Variants in RBM23 observed in about 807,000 individuals in gnomAD.
RBM23 encodes RNA binding motif protein 23, also known as probable RNA-binding protein 23.
A neutral mutation model predicts 56.2 loss-of-function variants in RBM23; 53 were observed. That is an observed-to-expected ratio of 0.94 (90% CI 0.76 to 1.19). RBM23 has a LOEUF of 1.19. RBM23 is among the 50% of genes most tolerant of loss of function. RBM23 has a pLI of 0.00. For synonymous variants in RBM23, 197 were observed against 198.5 expected (o/e 0.99, Z 0.06); for missense variants, 642 against 590.3 (o/e 1.09, Z -0.91).
intron 9 of RBM23, 132 bp from the exon 10 acceptor site, chr14:22,904,458 AGAGT>A: frequency 1.3e-6 from 1 of 754,324 alleles, no homozygotes; most frequent in Non-Finnish European, 2.2e-6. Context: ...CCTGGGTGAC[AGAGT>A]GAGACCTTGT....
intron 3 of RBM23, 79 bp downstream of exon 3, chr14:22,909,404 C>T (rs1258093227): frequency 6.2e-6 from 7 of 1,137,256 alleles, no homozygotes; most frequent in Non-Finnish European, 9.3e-6. Context: ...AACAATCTCC[C>T]TATTCTGGTT....
rs1053023516 is a variant in RBM23, at chr14:22,901,473, T to C, written c.*257A>G. On this transcript the variant is annotated 3_prime_UTR_variant, in exon 14 of 14. Transcript: ENST00000359890. ...AAGGTAATCTCAGAGACGATACACATGGAGAAACAGGTATTCAATGCAGGT... is the reference window on the plus strand; with the variant it reads ...AAGGTAATCTCAGAGACGATACACACGGAGAAACAGGTATTCAATGCAGGT... 1.0e-5 allele frequency: 6 copies of C among 591,544 alleles called. No individual in the cohort carries two copies. The highest frequency in any genetic ancestry group is 9.3e-5 in the African/African-American group (5 of 53,662). The allele number at this position is 591,544 out of a possible 1,614,324, so 36.6% of individuals were successfully genotyped here.
intron 2 of RBM23, 79 bp downstream of exon 2, chr14:22,911,249 A>G: frequency 8.9e-7 from 1 of 1,119,894 alleles, no homozygotes; most frequent in Non-Finnish European, 1.3e-6. Context: ...GATTCATAAA[A>G]TGTTGAAAGT....
chr14:22,902,760 T>TAC, intron 10 of RBM23: 1 of 718,462 alleles, frequency 1.4e-6, no homozygotes, highest in Non-Finnish European at 1.6e-6. Flanking sequence ...TTTAGTCTTT[T>TAC]TTTTTTTTTT....
chr14:22,904,031 G>A (rs2041083191), intron 10 of RBM23: 1 of 1,459,624 alleles, frequency 6.9e-7, no homozygotes. Context: ...GAAGCTGGGT[G>A]AACTCCTGAA....
At chr14:22,912,106 GAATA>G (rs1257477603) in intron 1 of RBM23, among the ~76,000 whole-genome samples, 1 of 152,046 alleles carries the variant, frequency 6.6e-6, no homozygotes. Flanking sequence ...TCAAAATTCT[GAATA>G]AATACCTGGT....
In RBM23 at chr14:22,906,323, G is replaced by A. The variant is rs2095772631; in HGVS notation, c.273C>T (p.Ser91=). ...GACGACACTGCCGACCTGGACTTCGGCTCCGACTATTTCTCCGTCTATACC... is the reference window on the plus strand; with the variant it reads ...GACGACACTGCCGACCTGGACTTCGACTCCGACTATTTCTCCGTCTATACC... ...RDRYRRRNSR[S]RSPGRQCRHR... The change falls in exon 5 of 14, where the codon AGC becomes AGT. Residue 91 remains serine, a synonymous_variant. Transcript: ENST00000359890. The A allele has an allele frequency of 6.2e-7, 1 of 1,614,046 alleles. No homozygotes were observed. The highest frequency in any genetic ancestry group is 1.3e-5 in the African/African-American group (1 of 74,922).
At chr14:22,905,905 A>T in intron 5 of RBM23, 1 of 591,516 alleles carries the variant, frequency 1.7e-6, no homozygotes, top group Non-Finnish European at 3.0e-6. Context: ...ACACATGACC[A>T]TATCTAGCTC....
rs564155350 is a variant in RBM23 at position 22,917,962 on chromosome 14, G to GGTA, written c.-11+1034_-11+1036dup. Among the ~76,000 whole-genome samples, 255 of 152,308 alleles carry GGTA rather than the reference G, an allele frequency of 1.7e-3. 2 individuals carry two copies. Among genetic ancestry groups the GGTA allele is most frequent in the Admixed American group, 0.014 (210 of 15,300 alleles). On this transcript the variant is annotated intron_variant, in intron 1 of 13. Transcript: ENST00000359890. Reference sequence around the variant, plus strand: ...GAAAAGCTGGAGCCCCAGGGGTGATGGTAGCGCCATCCCCAGGGTCTGATC... The same window carrying GGTA: ...GAAAAGCTGGAGCCCCAGGGGTGATGGTAGTAGCGCCATCCCCAGGGTCTGATC...
intron 9 of RBM23, 68 bp downstream of exon 9, chr14:22,904,807 T>C: frequency 1.3e-6 from 2 of 1,598,450 alleles, no homozygotes; most frequent in Non-Finnish European, 1.7e-6. Context: ...AACAGAGAAG[T>C]ACACTCAAAC....
intron 1 of RBM23, among the ~76,000 whole-genome samples, chr14:22,918,212 T>C (rs544374483): frequency 4.5e-4 from 68 of 152,102 alleles, no homozygotes; most frequent in South Asian, 3.3e-3. Flanking sequence ...CTGGCTAACA[T>C]GGCAAAACCC....
At chr14:22,907,764 C>T (rs1475580680) in intron 4 of RBM23, among the ~76,000 whole-genome samples, 2 of 152,296 alleles carry the variant, frequency 1.3e-5, no homozygotes, top group East Asian at 3.9e-4. Context: ...AGCACTGTTA[C>T]AGCAGAGTAC....
intron 4 of RBM23, among the ~76,000 whole-genome samples, chr14:22,907,146 C>A (rs1398151583): frequency 6.6e-6 from 1 of 151,570 alleles, no homozygotes; most frequent in East Asian, 1.9e-4. Context: ...TGCACTCCAT[C>A]CTGGGCAACA....
chr14:22,905,684 G>T, intron 5 of RBM23, 25 bp from the exon 6 acceptor site: 3 of 1,560,418 alleles, frequency 1.9e-6, no homozygotes, highest in Non-Finnish European at 2.7e-6. Context: ...AAAACAAAAG[G>T]TGAAACCTTA....
intron 1 of RBM23, chr14:22,917,603 G>A (rs1255485516): frequency 3.3e-5 from 5 of 151,582 alleles, no homozygotes; most frequent in African/African-American, 1.2e-4. Flanking sequence ...GTAGAGACGG[G>A]GTTTCGCCGT....
At chr14:22,918,216 A>G (rs945633954) in intron 1 of RBM23, among the ~76,000 whole-genome samples, 3 of 151,794 alleles carry the variant, frequency 2.0e-5, no homozygotes, top group African/African-American at 7.3e-5. Flanking sequence ...CTAACATGGC[A>G]AAACCCCATC....
rs1286119671 is a variant in RBM23 at position 22,897,466 on chromosome 14, C to T, written c.*4264G>A. On this transcript the variant is annotated 3_prime_UTR_variant, in exon 14 of 14. Transcript: ENST00000359890. ...GATAGCTGGCAGGTTAGATCACTCC[C>T]ATGCCTCCTAGCAAGATGCTGAGCC... 6.6e-6 allele frequency: 1 copy of T among 152,150 alleles called. No homozygotes were observed. The highest frequency in any genetic ancestry group is 1.5e-5 in the Non-Finnish European group (1 of 68,044). The allele number at this position is 152,150 out of a possible 1,614,324, so 9.4% of individuals were successfully genotyped here. A position where few individuals can be genotyped will look rare whatever the true frequency, so the allele number is the denominator to read the frequency against.
At position 22,909,580 on chromosome 14, in the gene RBM23, T is replaced by C. The variant is rs1170743628; in HGVS notation, c.82A>G (p.Lys28Glu). 6.2e-7 allele frequency: 1 copy of C among 1,613,496 alleles called. No homozygotes were observed. Among genetic ancestry groups the C allele is most frequent in the South Asian group, 1.1e-5 (1 of 91,050 alleles). ...CTAGGATAATCCTTTTTAACTTCTT[T>C]CCTTTGTTGCTCATCCTGAGGCATT... ...YKKEEDEQQRKEVKKDYPSNT... is the reference protein window; with the variant it reads ...YKKEEDEQQREEVKKDYPSNT... Residue 28 changes from lysine to glutamate, a missense_variant, in exon 3 of 14, where the codon AAA becomes GAA. Transcript: ENST00000359890.
chr14:22,907,674 C>G (rs2041804875), intron 4 of RBM23, among the ~76,000 whole-genome samples: 1 of 152,190 alleles, frequency 6.6e-6, no homozygotes, highest in South Asian at 2.1e-4. Context: ...CTATATTTAT[C>G]ATTCTAGAAT....
Sources: allele counts gnomAD v4.1 joint callset (sites outside exome capture counted in the v4.1 genomes callset), GRCh38; gene constraint gnomAD v4.1.1; transcripts MANE v1.5; gene names NCBI Gene and HGNC (gene_info 2026-07-23, HGNC 2026-07-21).